Variants in SOX5 observed in about 807,000 individuals in gnomAD.
SOX5 encodes the protein transcription factor SOX-5.
Under a neutral mutation model 92.0 loss-of-function variants are expected in SOX5, and 9 were observed. The ratio of observed to expected loss-of-function variants is 0.10; its 90% CI spans 0.06 to 0.17. The LOEUF is 0.17. SOX5 is among the 10% of genes least tolerant of loss of function. The probability of loss-of-function intolerance (pLI) is 1.00; values close to 1 mark genes in which losing one functional copy is unlikely to be tolerated. For synonymous variants in SOX5, 344 were observed against 336.3 expected, an observed-to-expected ratio of 1.02 and a Z score of -0.25; for missense variants, 642 against 944.5, an observed-to-expected ratio of 0.68 and a Z score of 4.20.
At position 24,478,881 on chromosome 12, in the gene SOX5, G is replaced by C. The variant is rs546920608; in HGVS notation, c.-251+83448C>G. ...AAACTTTCCTGAAAGAATTAAGGAA[G>C]GCACCACTCATGTGATTCCCTCGCT... On this transcript the variant is annotated intron_variant, in intron 1 of 4. Coordinates refer to the SOX5 transcript ENST00000446891. Among the ~76,000 whole-genome samples, 11 of 152,240 alleles carry C rather than the reference G, an allele frequency of 7.2e-5. No individual in the cohort carries two copies. In the South Asian group the frequency reaches 2.3e-3, roughly 32 times the overall value.
chr12:23,835,116 G>A lies in SOX5; in HGVS notation c.481+10867C>T, dbSNP rs183010101. Among the ~76,000 whole-genome samples, 74 of 151,930 alleles carry A rather than the reference G, an allele frequency of 4.9e-4. No individual in the cohort carries two copies. The South Asian group carries it at 5.8e-3, about 12-fold the overall frequency. On this transcript the variant is annotated intron_variant, in intron 3 of 14. Transcript: ENST00000451604. ...GACCACTGCTGGACACCCGGAAGTA[G>A]AGAACACAAGACACTGAGGGATAGT...
intron 3 of SOX5, among the ~76,000 whole-genome samples, chr12:24,244,889 T>A (rs1401428781): frequency 6.6e-6 from 1 of 152,094 alleles, no homozygotes; most frequent in Non-Finnish European, 1.5e-5. Flanking sequence ...CGGGGTTTCA[T>A]TCTGTTGGTC....
chr12:23,625,671 G>A (rs939003646), intron 8 of SOX5, among the ~76,000 whole-genome samples: 1 of 152,114 alleles, frequency 6.6e-6, no homozygotes, highest in Non-Finnish European at 1.5e-5. Context: ...GTGCGGTGGC[G>A]TGATCTTGGC....
At chr12:24,492,492 A>G (rs886869475) in intron 1 of SOX5, among the ~76,000 whole-genome samples, 1 of 152,206 alleles carries the variant, frequency 6.6e-6, no homozygotes, top group African/African-American at 2.4e-5. Flanking sequence ...GTTCTAGACA[A>G]TAAGGCACAA....
intron 1 of SOX5, among the ~76,000 whole-genome samples, chr12:24,424,622 G>A (rs941306538): frequency 6.6e-5 from 10 of 151,980 alleles, no homozygotes; most frequent in African/African-American, 2.2e-4. Flanking sequence ...CTAAAAATCT[G>A]TTGTAACGAC....
At chr12:23,927,231 G>A (rs945471665) in intron 1 of SOX5, among the ~76,000 whole-genome samples, 1 of 152,024 alleles carries the variant, frequency 6.6e-6, no homozygotes, top group Admixed American at 6.6e-5. Context: ...TAACCATTCT[G>A]GGGGAGGCTC....
intron 2 of SOX5, among the ~76,000 whole-genome samples, chr12:24,345,232 A>C (rs1260298535): frequency 6.6e-6 from 1 of 152,240 alleles, no homozygotes; most frequent in Non-Finnish European, 1.5e-5. Flanking sequence ...GAATGAATTC[A>C]GCTATACTGT....
At position 23,587,278 on chromosome 12, in the gene SOX5, G is replaced by C. The variant is rs114559327; in HGVS notation, c.1165-11440C>G. On this transcript the variant is annotated intron_variant, in intron 9 of 14. Transcript: ENST00000451604. Reference sequence around the variant, plus strand: ...CCATATATTTTATTTTATTCGTACAGAAAGATTACGAGATATCATCAACCC... The same window carrying C: ...CCATATATTTTATTTTATTCGTACACAAAGATTACGAGATATCATCAACCC... Among the ~76,000 whole-genome samples, 1,507 of 151,926 alleles carry C rather than the reference G, an allele frequency of 9.9e-3. 20 individuals are homozygous for C. Among genetic ancestry groups the C allele is most frequent in the African/African-American group, 0.035 (1,434 of 41,460 alleles).
intron 1 of SOX5, among the ~76,000 whole-genome samples, chr12:24,429,038 C>A (rs1432722611): frequency 6.6e-6 from 1 of 151,984 alleles, no homozygotes; most frequent in Non-Finnish European, 1.5e-5. Context: ...AATAGTATGG[C>A]CGGGCGCGGT....
At chr12:23,842,180 A>G (rs1398736751) in intron 3 of SOX5, among the ~76,000 whole-genome samples, 3 of 152,144 alleles carry the variant, frequency 2.0e-5, no homozygotes, top group Non-Finnish European at 4.4e-5. Flanking sequence ...GTTGAGAAAG[A>G]TATTTCCTAT....
intron 3 of SOX5, among the ~76,000 whole-genome samples, chr12:23,797,785 A>C (rs2095591411): frequency 6.6e-6 from 1 of 152,034 alleles, no homozygotes; most frequent in African/African-American, 2.4e-5. Context: ...TAAAAGATAA[A>C]GCTATGCGCT....
intron 1 of SOX5, among the ~76,000 whole-genome samples, chr12:24,430,367 C>T (rs1320827191): frequency 1.3e-5 from 2 of 151,852 alleles, no homozygotes; most frequent in Non-Finnish European, 2.9e-5. Flanking sequence ...GGCATGTTTT[C>T]AAAAACTAGT....
chr12:24,008,935 C>T (rs796471710), intron 4 of SOX5, among the ~76,000 whole-genome samples: 27 of 152,308 alleles, frequency 1.8e-4, no homozygotes, highest in African/African-American at 6.3e-4. Flanking sequence ...GGTCATAATA[C>T]ATCTTGCAGC....
chr12:23,962,952 A>G (rs1183454446), intron 4 of SOX5, among the ~76,000 whole-genome samples: 4 of 152,176 alleles, frequency 2.6e-5, no homozygotes, highest in Non-Finnish European at 5.9e-5. Flanking sequence ...AGAAAATGTA[A>G]TAATGATCCT....
intron 4 of SOX5, among the ~76,000 whole-genome samples, chr12:24,001,600 GCAAGGTC>G (rs1951616770): frequency 1.3e-5 from 2 of 152,212 alleles, no homozygotes; most frequent in South Asian, 4.1e-4. Context: ...AGAGGCAAAA[GCAAGGTC>G]AGGAGTTCAA....
intron 2 of SOX5, among the ~76,000 whole-genome samples, chr12:24,331,719 G>A (rs113448983): frequency 0.019 from 2,873 of 151,612 alleles, 97 homozygotes; most frequent in African/African-American, 0.065. Context: ...GTGGTGGCAC[G>A]TGCCTGTAAT....
intron 8 of SOX5, among the ~76,000 whole-genome samples, chr12:23,635,207 G>T (rs759252351): frequency 4.6e-5 from 7 of 152,102 alleles, no homozygotes; most frequent in Non-Finnish European, 8.8e-5. Flanking sequence ...GATTCGATTA[G>T]TAAAGATGGT....
intron 13 of SOX5, among the ~76,000 whole-genome samples, chr12:23,539,869 T>C (rs1378602550): frequency 1.3e-5 from 2 of 152,168 alleles, no homozygotes; most frequent in Admixed American, 1.3e-4. Context: ...AATGGCTGAC[T>C]GACTACTATA....
intron 1 of SOX5, among the ~76,000 whole-genome samples, chr12:24,477,455 T>G (rs546333805): frequency 6.6e-6 from 1 of 152,144 alleles, no homozygotes; most frequent in African/African-American, 2.4e-5. Flanking sequence ...CATTGCTATA[T>G]GCTATACTAG....
Sources: gnomAD v4.1 joint callset for allele counts (sites outside exome capture counted in the v4.1 genomes callset) on GRCh38, gnomAD v4.1.1 for gene constraint, MANE v1.5 for transcripts, NCBI Gene and HGNC (gene_info 2026-07-23, HGNC 2026-07-21) for gene names.